SH3BP2: variants seen among roughly 807,000 people sequenced by gnomAD.
SH3BP2 encodes the protein SH3 domain-binding protein 2.
Under a neutral mutation model 56.2 loss-of-function variants are expected in SH3BP2, and 38 were observed. The observed-to-expected ratio is 0.68, with a 90% CI of 0.52 to 0.89. The LOEUF (loss-of-function observed/expected upper bound fraction) is 0.89. Ranked by LOEUF, SH3BP2 falls within the 40% of genes least tolerant of loss-of-function variation. The pLI is 0.00. For missense variants in SH3BP2, 748 were observed against 762.6 expected (o/e 0.98, Z 0.23); for synonymous variants, 346 against 316.7 (o/e 1.09, Z -0.98).
At chr4:2,801,731 A>G (rs1308537595) in intron 1 of SH3BP2, among the ~76,000 whole-genome samples, 1 of 152,264 alleles carries the variant, frequency 6.6e-6, no homozygotes, top group Non-Finnish European at 1.5e-5. Context: ...AATGACAAGA[A>G]GCAGAAGGCA....
chr4:2,803,977 C>G (rs1723428533), intron 1 of SH3BP2, among the ~76,000 whole-genome samples: 1 of 152,144 alleles, frequency 6.6e-6, no homozygotes. Flanking sequence ...GCCTGAGTGC[C>G]TCCCCTGTGC....
chr4:2,797,568 A>G (rs576571994), intron 1 of SH3BP2, among the ~76,000 whole-genome samples: 1 of 152,280 alleles, frequency 6.6e-6, no homozygotes, highest in Non-Finnish European at 1.5e-5. Context: ...AGCTGAAGAC[A>G]TAAGTGTCTG....
intron 1 of SH3BP2, among the ~76,000 whole-genome samples, chr4:2,796,161 G>C (rs915856619): frequency 5.9e-5 from 9 of 152,198 alleles, no homozygotes; most frequent in Non-Finnish European, 1.0e-4. Context: ...TCTGCAAAAC[G>C]GGATGACAGA....
At position 2,835,220 on chromosome 4, in the gene SH3BP2, C is replaced by T. The variant is rs1385987266; in HGVS notation, c.*1386C>T. The T allele has an allele frequency of 6.6e-6, 1 of 152,252 alleles. No homozygotes were observed. The highest frequency in any genetic ancestry group is 1.5e-5 in the Non-Finnish European group (1 of 68,092). 9.4% of individuals were successfully genotyped at this position (152,252 alleles called of 1,614,324 possible). ...CAGTGACTGACTGGGGGAGAAGGTC[C>T]TGCAGCCCCCTTCCCCTGGGTGTGT... On this transcript the variant is annotated 3_prime_UTR_variant, in exon 13 of 13. Transcript: ENST00000503393.
At chr4:2,795,728 C>T (rs1037665340) in intron 1 of SH3BP2, among the ~76,000 whole-genome samples, 6 of 152,010 alleles carry the variant, frequency 3.9e-5, no homozygotes, top group Non-Finnish European at 7.4e-5. Context: ...CAAAGGCGGG[C>T]GGTAGGGAGG....
intron 1 of SH3BP2, among the ~76,000 whole-genome samples, chr4:2,802,518 GTATA>G (rs202195365): frequency 5.7e-4 from 65 of 113,836 alleles, no homozygotes; most frequent in Non-Finnish European, 1.0e-3. Context: ...GTATATATGT[GTATA>G]TATATATGTA....
chr4:2,798,992 C>G (rs765718006), intron 1 of SH3BP2: 1 of 985,524 alleles, frequency 1.0e-6, no homozygotes, highest in South Asian at 4.7e-5. Context: ...AGGAGCTGCA[C>G]GCAGCACGGG....
Position 2,824,671 on chromosome 4 carries a change from C to T in SH3BP2, c.298C>T (p.His100Tyr), listed in dbSNP as rs745787410. 11 of 1,614,072 alleles carry T rather than the reference C, an allele frequency of 6.8e-6. No individual in the cohort carries two copies. Among genetic ancestry groups the T allele is most frequent in the Non-Finnish European group, 8.5e-6 (10 of 1,180,008 alleles). The change falls in exon 4 of 13, where the codon CAT becomes TAT. Residue 100 changes from histidine to tyrosine, a missense_variant. Physicochemically the swap from His to Tyr is moderately conservative, Grantham distance 83 (BLOSUM62 2). Coordinates refer to ENST00000503393, the MANE Select transcript of SH3BP2 (RefSeq NM_001122681.2). Reference sequence around the variant, plus strand: ...CAACGTTTTCCCCTTCAAGATCATCCATATCAGCAAGAAGCACCGCACGTG... The same window carrying T: ...CAACGTTTTCCCCTTCAAGATCATCTATATCAGCAAGAAGCACCGCACGTG... ...SNNVFPFKII[H>Y]ISKKHRTWFF... is the part of the protein sequence containing the mutation.
intron 1 of SH3BP2, among the ~76,000 whole-genome samples, chr4:2,815,907 C>G (rs753213430): frequency 1.1e-4 from 17 of 152,172 alleles, no homozygotes; most frequent in Non-Finnish European, 1.9e-4. Flanking sequence ...GGACACAGGA[C>G]TCCAGAGAGG....
chr4:2,804,841 A>T (rs890898273), intron 1 of SH3BP2, among the ~76,000 whole-genome samples: 1 of 152,254 alleles, frequency 6.6e-6, no homozygotes, highest in Non-Finnish European at 1.5e-5. Flanking sequence ...AGGTGGCCCC[A>T]GGCTCTGGGT....
chr4:2,818,795 A>T (rs968780277), intron 1 of SH3BP2: 2 of 987,012 alleles, frequency 2.0e-6, no homozygotes. Context: ...CTTTGGGTGC[A>T]GAAGGAGCTG....
chr4:2,812,613 G>T, intron 1 of SH3BP2: 1 of 1,192,222 alleles, frequency 8.4e-7, no homozygotes, highest in South Asian at 1.6e-5. Context: ...AGGTGGCCCT[G>T]AGCCTGCAAA....
intron 7 of SH3BP2, 137 bp downstream of exon 7, chr4:2,827,811 C>G: frequency 1.4e-6 from 1 of 718,152 alleles, no homozygotes; most frequent in Non-Finnish European, 2.5e-6. Context: ...TGCTGTGTCC[C>G]AAGTATTATG....
At position 2,840,487 on chromosome 4, in the gene SH3BP2, C is replaced by G. The variant is rs1300878546; in HGVS notation, c.*6653C>G. 1 of 152,146 alleles carries G rather than the reference C, an allele frequency of 6.6e-6. No individual in the cohort carries two copies. The highest frequency in any genetic ancestry group is 1.5e-5 in the Non-Finnish European group (1 of 68,020). The allele number at this position is 152,146 out of a possible 1,614,324, so 9.4% of individuals were successfully genotyped here. On this transcript the variant is annotated 3_prime_UTR_variant, in exon 13 of 13. Coordinates refer to ENST00000503393, the MANE Select transcript of SH3BP2 (RefSeq NM_001122681.2). ...TTTCTGCGCCCATCTGCAATGCCAC[C>G]TCTGTCATATGTCCACATATGACAT...
intron 1 of SH3BP2, among the ~76,000 whole-genome samples, chr4:2,820,227 A>G (rs1724225883): frequency 6.6e-6 from 1 of 152,134 alleles, no homozygotes; most frequent in South Asian, 2.1e-4. Flanking sequence ...CTGGGACTTG[A>G]AGTAGTTATG....
intron 1 of SH3BP2, among the ~76,000 whole-genome samples, chr4:2,813,508 T>C (rs550611641): frequency 4.6e-5 from 7 of 152,206 alleles, no homozygotes; most frequent in Non-Finnish European, 1.0e-4. Flanking sequence ...AAGTAAAGTA[T>C]TGAGCTCAGG....
At chr4:2,833,595 C>A in intron 12 of SH3BP2, 102 bp from the exon 13 acceptor site, 1 of 1,475,144 alleles carries the variant, frequency 6.8e-7, no homozygotes, top group Non-Finnish European at 9.2e-7. Flanking sequence ...CTGGTGATGC[C>A]GCTGTTGATG....
chr4:2,822,742 A>C (rs965781907), intron 2 of SH3BP2, among the ~76,000 whole-genome samples, 193 bp from the exon 3 acceptor site: 1 of 152,058 alleles, frequency 6.6e-6, no homozygotes, highest in Non-Finnish European at 1.5e-5. Flanking sequence ...TGTGCCTACA[A>C]TTTTTTCCGT....
At chr4:2,832,457 C>G (rs1725042255) in intron 11 of SH3BP2, 45 bp downstream of exon 11, 1 of 1,479,214 alleles carries the variant, frequency 6.8e-7, no homozygotes, top group South Asian at 1.1e-5. Context: ...TGGCTCTCCA[C>G]ACACCCAGGC....
Sources: allele counts gnomAD v4.1 joint callset (sites outside exome capture counted in the v4.1 genomes callset), GRCh38; gene constraint gnomAD v4.1.1; transcripts MANE v1.5; gene names NCBI Gene and HGNC (gene_info 2026-07-23, HGNC 2026-07-21).